Variants in RNF150 observed in about 807,000 individuals in gnomAD.
RNF150 encodes the protein ring finger protein 150.
Under a neutral mutation model 39.3 loss-of-function variants are expected in RNF150, and 24 were observed. That is an observed-to-expected ratio of 0.61 (90% CI 0.44 to 0.86). The LOEUF (loss-of-function observed/expected upper bound fraction) is 0.86, where lower values mean the gene tolerates loss of function less well. RNF150 is among the 40% of genes least tolerant of loss of function. The pLI, the probability that RNF150 is intolerant of heterozygous loss-of-function variation, is 0.00. For synonymous variants in RNF150, 255 were observed against 227.3 expected (o/e 1.12, Z -1.10); for missense variants, 502 against 587.8 (o/e 0.85, Z 1.51).
At chr4:140,956,262 C>T (rs1041893610) in intron 2 of RNF150, among the ~76,000 whole-genome samples, 16 of 152,114 alleles carry the variant, frequency 1.1e-4, no homozygotes, top group African/African-American at 3.1e-4. Flanking sequence ...GCAGGAACAC[C>T]GCTTGCTGTT....
intron 6 of RNF150, among the ~76,000 whole-genome samples, chr4:140,875,392 G>A (rs1374397939): frequency 6.6e-6 from 1 of 152,034 alleles, no homozygotes; most frequent in Non-Finnish European, 1.5e-5. Flanking sequence ...GCCCAGGCTG[G>A]CTTTGAATTC....
chr4:140,934,405 TAACTTTGTTTTGGCAAGC>T (rs1395140549), intron 4 of RNF150, among the ~76,000 whole-genome samples: 6 of 152,062 alleles, frequency 3.9e-5, no homozygotes, highest in Admixed American at 2.0e-4. Context: ...ATAAACATAA[TAACTTTGTTTTGGCAAGC>T]AAATATGATA....
chr4:141,159,348 A>G (rs552435050), intron 1 of RNF150, among the ~76,000 whole-genome samples: 1 of 152,146 alleles, frequency 6.6e-6, no homozygotes, highest in Non-Finnish European at 1.5e-5. Flanking sequence ...TGACATTAAT[A>G]TAATTTTCAC....
intron 1 of RNF150, among the ~76,000 whole-genome samples, chr4:140,984,493 G>C (rs547884108): frequency 6.6e-6 from 1 of 152,064 alleles, no homozygotes. Context: ...AGAAGGGTTC[G>C]GCAACTGAGT....
At chr4:140,948,247 C>T (rs960462460) in intron 3 of RNF150, among the ~76,000 whole-genome samples, 1 of 152,002 alleles carries the variant, frequency 6.6e-6, no homozygotes, top group Non-Finnish European at 1.5e-5. Context: ...ACCAAAATGT[C>T]CTTTAAATTT....
At chr4:141,149,952 G>A (rs899934820) in intron 1 of RNF150, among the ~76,000 whole-genome samples, 91 of 152,182 alleles carry the variant, frequency 6.0e-4, no homozygotes, top group Non-Finnish European at 2.1e-4. Flanking sequence ...CAGGGCCCTC[G>A]CTTTTGGACC....
At position 141,132,257 on chromosome 4, in the gene RNF150, G is replaced by T. The variant is rs1051037730; in HGVS notation, c.484+68C>A. The T allele has an allele frequency of 6.7e-7, 1 of 1,494,742 alleles. No individual in the cohort carries two copies. Among genetic ancestry groups the T allele is most frequent in the Non-Finnish European group, 9.1e-7 (1 of 1,103,694 alleles). The allele number at this position is 1,494,742 out of a possible 1,614,324, so 92.6% of individuals were successfully genotyped here. A position where few individuals can be genotyped will look rare whatever the true frequency, so the allele number is the denominator to read the frequency against. ...CTTCCCAGAAGGAGCCTGGAGGCAGGCGCTGGATCCCTCTAGGCACCTCCG... is the reference window on the plus strand; with the variant it reads ...CTTCCCAGAAGGAGCCTGGAGGCAGTCGCTGGATCCCTCTAGGCACCTCCG... On this transcript the variant is annotated intron_variant, in intron 1 of 6. Transcript: ENST00000515673. This position sits in a 1 kb window ranked among gnomAD's most constrained non-coding sequence, Gnocchi z 4.9.
At chr4:141,008,998 A>G (rs1734969104) in intron 1 of RNF150, among the ~76,000 whole-genome samples, 1 of 152,176 alleles carries the variant, frequency 6.6e-6, no homozygotes. Context: ...TCAACATTTC[A>G]ATTTTGAAAG....
chr4:140,943,693 A>G (rs893534522), intron 4 of RNF150, among the ~76,000 whole-genome samples: 1 of 152,198 alleles, frequency 6.6e-6, no homozygotes, highest in Non-Finnish European at 1.5e-5. Flanking sequence ...TTGTCTTCTC[A>G]TCGCTGGGAC....
chr4:141,022,546 T>C (rs1735534760), intron 1 of RNF150, among the ~76,000 whole-genome samples: 3 of 152,154 alleles, frequency 2.0e-5, no homozygotes, highest in South Asian at 2.1e-4. Flanking sequence ...CAAAATACCA[T>C]TCAGATTCAG....
At chr4:140,891,479 G>A (rs1179858169) in intron 6 of RNF150, among the ~76,000 whole-genome samples, 2 of 152,088 alleles carry the variant, frequency 1.3e-5, no homozygotes, top group Admixed American at 6.5e-5. Flanking sequence ...AAATGATAGT[G>A]GTGATGAGAA....
At chr4:141,052,386 TA>T (rs1201987072) in intron 1 of RNF150, among the ~76,000 whole-genome samples, 3 of 152,226 alleles carry the variant, frequency 2.0e-5, no homozygotes, top group African/African-American at 7.2e-5. Context: ...TTTATTCTTT[TA>T]TTTTTTGAGA....
At chr4:141,121,141 G>A (rs183247285) in intron 1 of RNF150, among the ~76,000 whole-genome samples, 245 of 152,264 alleles carry the variant, frequency 1.6e-3, no homozygotes, top group Non-Finnish European at 2.3e-3. Context: ...CATCTATGAT[G>A]GACAGCATAG....
At chr4:141,019,356 A>G (rs1016638585) in intron 1 of RNF150, among the ~76,000 whole-genome samples, 19 of 152,212 alleles carry the variant, frequency 1.2e-4, no homozygotes, top group African/African-American at 4.3e-4. Flanking sequence ...AATTGATTTA[A>G]AACTATTTTT....
intron 1 of RNF150, among the ~76,000 whole-genome samples, chr4:141,202,166 A>G (rs1728301555): frequency 6.6e-6 from 1 of 152,184 alleles, no homozygotes; most frequent in Non-Finnish European, 1.5e-5. Flanking sequence ...ATGGAGGATG[A>G]CACTCCAGTA....
At chr4:141,207,652 G>A (rs1039902067) in intron 1 of RNF150, among the ~76,000 whole-genome samples, 2 of 152,084 alleles carry the variant, frequency 1.3e-5, no homozygotes, top group African/African-American at 4.8e-5. Context: ...CATAATTTGG[G>A]TTTTGTGGAA....
At chr4:140,980,930 T>C (rs145769179) in intron 1 of RNF150, among the ~76,000 whole-genome samples, 1 of 152,304 alleles carries the variant, frequency 6.6e-6, no homozygotes, top group Admixed American at 6.5e-5. Flanking sequence ...TACTGTATAA[T>C]TACCAACTGT....
chr4:140,985,754 G>T (rs183269241), intron 1 of RNF150, among the ~76,000 whole-genome samples: 131 of 152,130 alleles, frequency 8.6e-4, no homozygotes, highest in Non-Finnish European at 2.6e-4. Context: ...ATTTTGAAAT[G>T]ACATTTTGGA....
In RNF150 at chr4:140,920,750, C is replaced by T. The variant is rs183368264; in HGVS notation, c.987+5227G>A. Among the ~76,000 whole-genome samples the T allele has an allele frequency of 5.3e-5, 8 of 152,068 alleles. No homozygotes were observed. The East Asian group carries it at 5.8e-4, about 11-fold the overall frequency. On this transcript the variant is annotated intron_variant, in intron 5 of 6. Coordinates refer to ENST00000515673, the MANE Select transcript of RNF150 (RefSeq NM_020724.2). Reference sequence around the variant, plus strand: ...GACACATGCACACATACGTTTATTGCGGCACTATTCACGATAGCAAAGACT... The same window carrying T: ...GACACATGCACACATACGTTTATTGTGGCACTATTCACGATAGCAAAGACT...
Sources: allele counts gnomAD v4.1 joint callset (sites outside exome capture counted in the v4.1 genomes callset), GRCh38; gene constraint gnomAD v4.1.1; non-coding constraint Gnocchi (gnomAD v3.1); transcripts MANE v1.5; gene names NCBI Gene and HGNC (gene_info 2026-07-23, HGNC 2026-07-21).